Variants in LRRC4C observed in about 807,000 individuals in gnomAD.
The protein encoded by LRRC4C is leucine-rich repeat-containing protein 4C.
A neutral mutation model predicts 33.6 loss-of-function variants in LRRC4C; 5 were observed. The observed-to-expected ratio is 0.15, with a 90% CI of 0.08 to 0.31. LRRC4C has a LOEUF of 0.31. Among genes scored for constraint, LRRC4C ranks in the 10% least tolerant of loss-of-function variants. The pLI is 1.00. For synonymous variants in LRRC4C, 329 were observed against 302.0 expected (o/e 1.09, Z -0.93); for missense variants, 560 against 796.7 (o/e 0.70, Z 3.58).
At chr11:40,859,744 A>G (rs565462250) in intron 2 of LRRC4C, among the ~76,000 whole-genome samples, 4 of 152,356 alleles carry the variant, frequency 2.6e-5, no homozygotes, top group Admixed American at 2.6e-4. Flanking sequence ...GTGCAATATT[A>G]GTCAACCATA....
At chr11:40,811,516 G>C (rs760783827) in intron 2 of LRRC4C, among the ~76,000 whole-genome samples, 3 of 151,330 alleles carry the variant, frequency 2.0e-5, no homozygotes, top group Non-Finnish European at 4.4e-5. Context: ...TCTTTTTTTT[G>C]AGATGGATTC....
chr11:40,624,120 T>C (rs1474117991), intron 3 of LRRC4C, among the ~76,000 whole-genome samples: 1 of 151,952 alleles, frequency 6.6e-6, no homozygotes, highest in African/African-American at 2.4e-5. Context: ...TGGGAAAGAG[T>C]TGGGTGCTAT....
In LRRC4C at chr11:41,093,927, CAAAAA is replaced by C. The variant is rs56173087; in HGVS notation, c.-495-160209_-495-160205del. On this transcript the variant is annotated intron_variant, in intron 1 of 6. Transcript: ENST00000528697. ...TAACATGATGAAACCCCGTCTCCACCAAAAAAAAAAAAAAAAAAAAAAACACACAA... is the reference window on the plus strand; with the variant it reads ...TAACATGATGAAACCCCGTCTCCACCAAAAAAAAAAAAAAAAAACACACAA... Among the ~76,000 whole-genome samples the C allele has an allele frequency of 1.0e-4, 6 of 58,998 alleles. No individual in the cohort carries two copies. In the East Asian group the frequency reaches 2.7e-3, roughly 27 times the overall value. 38.7% of individuals were successfully genotyped at this position (58,998 alleles called of 152,430 possible). A position where few individuals can be genotyped will look rare whatever the true frequency, so the allele number is the denominator to read the frequency against.
chr11:40,580,313 A>G (rs1268641935), intron 3 of LRRC4C, among the ~76,000 whole-genome samples: 3 of 152,130 alleles, frequency 2.0e-5, no homozygotes, highest in Non-Finnish European at 4.4e-5. Flanking sequence ...GAGCAAGAGT[A>G]TGGAAAACTG....
intron 3 of LRRC4C, among the ~76,000 whole-genome samples, chr11:40,381,643 C>T (rs1466302151): frequency 6.6e-6 from 1 of 152,038 alleles, no homozygotes; most frequent in Non-Finnish European, 1.5e-5. Flanking sequence ...GGTAAGTTGT[C>T]TCAGAACCTG....
chr11:40,311,313 A>T (rs896682676), intron 4 of LRRC4C, among the ~76,000 whole-genome samples: 2 of 152,146 alleles, frequency 1.3e-5, no homozygotes, highest in African/African-American at 4.8e-5. Context: ...TTAAGCTCTC[A>T]GGGCCTGTCT....
intron 1 of LRRC4C, among the ~76,000 whole-genome samples, chr11:41,085,524 C>T (rs1939904747): frequency 6.6e-6 from 1 of 151,994 alleles, no homozygotes; most frequent in Non-Finnish European, 1.5e-5. Flanking sequence ...AATAATATAA[C>T]TATCACGTAG....
intron 1 of LRRC4C, among the ~76,000 whole-genome samples, chr11:41,422,216 T>G (rs1235027308): frequency 1.3e-5 from 2 of 152,026 alleles, no homozygotes; most frequent in Admixed American, 6.6e-5. Flanking sequence ...AATTTTTTTT[T>G]CAGTATCTGA....
chr11:40,938,540 G>A (rs1958008370), intron 1 of LRRC4C, among the ~76,000 whole-genome samples: 1 of 152,092 alleles, frequency 6.6e-6, no homozygotes. Flanking sequence ...ATTCTGTGTT[G>A]TATAAATGTA....
At chr11:40,800,560 A>G (rs1565077245) in intron 2 of LRRC4C, among the ~76,000 whole-genome samples, 1 of 152,176 alleles carries the variant, frequency 6.6e-6, no homozygotes. Flanking sequence ...GTATATATTG[A>G]CAATGGCCTT....
chr11:40,381,303 T>G (rs1186442656), intron 3 of LRRC4C, among the ~76,000 whole-genome samples: 2 of 152,084 alleles, frequency 1.3e-5, no homozygotes, highest in Admixed American at 1.3e-4. Context: ...GATAATTGAT[T>G]TGGCAAATAC....
chr11:40,465,112 T>A (rs2099735), intron 3 of LRRC4C, among the ~76,000 whole-genome samples: 6,205 of 151,844 alleles, frequency 0.041, 414 homozygotes, highest in African/African-American at 0.14. Context: ...TAAAATAGAC[T>A]CATAAATCAA....
chr11:40,703,443 GT>G (rs1044064877), intron 2 of LRRC4C, among the ~76,000 whole-genome samples: 2 of 152,102 alleles, frequency 1.3e-5, no homozygotes, highest in African/African-American at 4.8e-5. Flanking sequence ...GCTGAATGTG[GT>G]AATGGGTGCC....
intron 1 of LRRC4C, among the ~76,000 whole-genome samples, chr11:41,347,048 T>G (rs1221936092): frequency 6.6e-6 from 1 of 152,214 alleles, no homozygotes; most frequent in East Asian, 1.9e-4. Context: ...GGTTTGATTT[T>G]AATTAATTTG....
At chr11:40,306,747 G>A (rs188147677) in intron 4 of LRRC4C, among the ~76,000 whole-genome samples, 15 of 152,224 alleles carry the variant, frequency 9.9e-5, no homozygotes, top group African/African-American at 1.9e-4. Flanking sequence ...TGATTGCCAC[G>A]CCCACGTTCA....
chr11:40,330,953 C>G (rs1008565826), intron 3 of LRRC4C, among the ~76,000 whole-genome samples: 123 of 152,074 alleles, frequency 8.1e-4, no homozygotes, highest in African/African-American at 2.9e-3. Context: ...ATCCATTAAC[C>G]AATTTCTGAC....
intron 2 of LRRC4C, among the ~76,000 whole-genome samples, chr11:40,763,308 G>A (rs1949311752): frequency 6.6e-6 from 1 of 151,838 alleles, no homozygotes. Flanking sequence ...ACAAATCATG[G>A]TACATACAGT....
At chr11:40,658,197 T>G (rs1222045868) in intron 2 of LRRC4C, among the ~76,000 whole-genome samples, 2 of 152,214 alleles carry the variant, frequency 1.3e-5, no homozygotes, top group Non-Finnish European at 2.9e-5. Context: ...TGGTGTCCCA[T>G]AGTAGGCAAA....
intron 3 of LRRC4C, among the ~76,000 whole-genome samples, chr11:40,643,282 A>C (rs1942234986): frequency 6.6e-6 from 1 of 152,166 alleles, no homozygotes; most frequent in African/African-American, 2.4e-5. Flanking sequence ...TAACACTTTC[A>C]TCCACCCATA....
Sources: gnomAD v4.1 joint callset for allele counts (sites outside exome capture counted in the v4.1 genomes callset) on GRCh38, gnomAD v4.1.1 for gene constraint, MANE v1.5 for transcripts, NCBI Gene and HGNC (gene_info 2026-07-23, HGNC 2026-07-21) for gene names.